The following DUS2 variants were observed in gnomAD, a reference collection of about 807,000 sequenced individuals.
DUS2 encodes dihydrouridine synthase 2, also known as tRNA-dihydrouridine(20) synthase [NAD(P)+]-like.
A neutral mutation model predicts 71.3 loss-of-function variants in DUS2; 52 were observed. The ratio of observed to expected loss-of-function variants is 0.73; its 90% CI spans 0.58 to 0.92. The LOEUF (loss-of-function observed/expected upper bound fraction) is 0.92, where lower values mean the gene tolerates loss of function less well. Among genes scored for constraint, DUS2 ranks in the 40% least tolerant of loss-of-function variants. The pLI is 0.00. For synonymous variants in DUS2, 204 were observed against 227.8 expected, an observed-to-expected ratio of 0.90 and a Z score of 0.94; for missense variants, 558 against 622.6, an observed-to-expected ratio of 0.90 and a Z score of 1.10.
At chr16:68,036,079 C>T (rs1250039310) in intron 2 of DUS2, among the ~76,000 whole-genome samples, 1 of 151,154 alleles carries the variant, frequency 6.6e-6, no homozygotes, top group Non-Finnish European at 1.5e-5. Flanking sequence ...TTATTGCAAC[C>T]TCCACCTCCT....
chr16:68,056,573 C>A, intron 7 of DUS2, 149 bp downstream of exon 7: 1 of 627,628 alleles, frequency 1.6e-6, no homozygotes, highest in Non-Finnish European at 2.8e-6. Context: ...GAACTGACAA[C>A]ATTAGAATAG....
chr16:68,049,106 G>A (rs1335146692), intron 3 of DUS2, among the ~76,000 whole-genome samples: 1 of 152,072 alleles, frequency 6.6e-6, no homozygotes, highest in Non-Finnish European at 1.5e-5. Flanking sequence ...TTTTGTTTTT[G>A]GATGTTTCTT....
At chr16:68,053,152 G>C (rs992411574) in intron 4 of DUS2, among the ~76,000 whole-genome samples, 7 of 152,066 alleles carry the variant, frequency 4.6e-5, no homozygotes, top group South Asian at 2.1e-4. Context: ...TATCAGAGAC[G>C]GTGTTTCACC....
At chr16:68,074,235 A>G (rs754839341) in intron 13 of DUS2, 80 bp downstream of exon 13, 1 of 1,549,174 alleles carries the variant, frequency 6.5e-7, no homozygotes, top group Non-Finnish European at 8.8e-7. Flanking sequence ...TGACTCCACC[A>G]GGGGACCAGG....
intron 8 of DUS2, among the ~76,000 whole-genome samples, chr16:68,062,677 C>T (rs555018606): frequency 2.1e-4 from 31 of 148,800 alleles, no homozygotes; most frequent in African/African-American, 7.5e-4. Context: ...AGAGATCGTG[C>T]CACTGCACTC....
chr16:68,061,498 G>A (rs2033940322), intron 8 of DUS2, among the ~76,000 whole-genome samples: 1 of 152,180 alleles, frequency 6.6e-6, no homozygotes, highest in African/African-American at 2.4e-5. Flanking sequence ...TGTGTGGGTG[G>A]ATTGGCCTCT....
At position 68,060,995 on chromosome 16, in the gene DUS2, A is replaced by G. The variant is rs1182250160; in HGVS notation, c.370-71A>G. Reference sequence around the variant, plus strand: ...AGTGCCGGGGTGACGCTCAGTTGCCAGACCCCATCCCATGGAGAGGGCCAT... The same window carrying G: ...AGTGCCGGGGTGACGCTCAGTTGCCGGACCCCATCCCATGGAGAGGGCCAT... On this transcript the variant is annotated intron_variant, in intron 7 of 16. Transcript: ENST00000565263. 2.7e-6 allele frequency: 4 copies of G among 1,498,984 alleles called. No homozygotes were observed. The African/African-American group carries it at 5.5e-5, about 21-fold the overall frequency. The allele number at this position is 1,498,984 out of a possible 1,614,324, so 92.9% of individuals were successfully genotyped here. A position where few individuals can be genotyped will look rare whatever the true frequency, so the allele number is the denominator to read the frequency against.
chr16:68,078,053 G>A (rs966122357), intron 15 of DUS2: 2 of 266,878 alleles, frequency 7.5e-6, no homozygotes, highest in African/African-American at 4.4e-5. Flanking sequence ...CATCCCTGCA[G>A]CCCTTTGCTC....
In DUS2 at chr16:68,073,890, G is replaced by A. The variant is rs1202578265; in HGVS notation, c.811-144G>A. On this transcript the variant is annotated intron_variant, in intron 12 of 16. Coordinates refer to ENST00000565263, the MANE Select transcript of DUS2 (RefSeq NM_017803.5). Reference sequence around the variant, plus strand: ...AGATGTGAGCCACTGCTCCTGGCCAGTGGTGGTTCTTCTTATGGGGGTCAC... The same window carrying A: ...AGATGTGAGCCACTGCTCCTGGCCAATGGTGGTTCTTCTTATGGGGGTCAC... 3 of 968,166 alleles carry A rather than the reference G, an allele frequency of 3.1e-6. No homozygotes were observed. The African/African-American group carries it at 4.9e-5, about 16-fold the overall frequency. 60.0% of individuals were successfully genotyped at this position (968,166 alleles called of 1,614,324 possible). A position where few individuals can be genotyped will look rare whatever the true frequency, so the allele number is the denominator to read the frequency against.
intron 8 of DUS2, among the ~76,000 whole-genome samples, chr16:68,061,899 C>G (rs2033944751): frequency 6.6e-6 from 1 of 152,202 alleles, no homozygotes. Context: ...GCATGTTCCT[C>G]CAGCCCCACT....
chr16:68,031,926 C>G (rs1173872289), intron 2 of DUS2, among the ~76,000 whole-genome samples: 1 of 152,046 alleles, frequency 6.6e-6, no homozygotes, highest in Non-Finnish European at 1.5e-5. Flanking sequence ...AACTCCTGAT[C>G]TCAGGTGATC....
In DUS2 at chr16:68,074,067, A is replaced by C; in HGVS notation, c.844A>C (p.Lys282Gln). ...VQYDNHYTNT[K>Q]YCLCQMLREQ... is the part of the protein sequence containing the mutation. ...GTATGACAACCACTACACCAACACC[A>C]AGTACTGCTTGTGCCAGATGCTACG... is the stretch of plus-strand genomic sequence containing the variant. The change falls in exon 13 of 17, where the codon AAG becomes CAG. Residue 282 changes from lysine to glutamine, a missense_variant. Lys to Gln is a moderately conservative substitution (Grantham distance 53, BLOSUM62 1). Coordinates refer to ENST00000565263, the MANE Select transcript of DUS2 (RefSeq NM_017803.5). 1 of 1,614,168 alleles carries C rather than the reference A, an allele frequency of 6.2e-7. No homozygotes were observed. Among genetic ancestry groups the C allele is most frequent in the South Asian group, 1.1e-5 (1 of 91,092 alleles).
At chr16:68,061,986 CTCTA>C (rs10576430) in intron 8 of DUS2, among the ~76,000 whole-genome samples, 4,441 of 152,210 alleles carry the variant, frequency 0.029, 198 homozygotes, top group African/African-American at 0.099. Flanking sequence ...GCCAGAGATA[CTCTA>C]TCTATAGTGC....
At position 68,074,098 on chromosome 16, in the gene DUS2, A is replaced by G. The variant is rs2034124563; in HGVS notation, c.875A>G (p.Gln292Arg). 1 of 1,614,086 alleles carries G rather than the reference A, an allele frequency of 6.2e-7. No homozygotes were observed. The highest frequency in any genetic ancestry group is 8.5e-7 in the Non-Finnish European group (1 of 1,180,044). Reference sequence around the variant, plus strand: ...TGCTTGTGCCAGATGCTACGAGAACAGCTGGAGTCGCCCCAGGGAAGGTTG... The same window carrying G: ...TGCTTGTGCCAGATGCTACGAGAACGGCTGGAGTCGCCCCAGGGAAGGTTG... ...KYCLCQMLRE[Q>R]LESPQGRLLH... Residue 292 changes from glutamine to arginine, a missense_variant, in exon 13 of 17, where the codon CAG becomes CGG. Coordinates refer to ENST00000565263, the MANE Select transcript of DUS2 (RefSeq NM_017803.5).
At chr16:68,045,998 G>A (rs1366538162) in intron 3 of DUS2, among the ~76,000 whole-genome samples, 3 of 152,158 alleles carry the variant, frequency 2.0e-5, no homozygotes, top group Non-Finnish European at 2.9e-5. Flanking sequence ...GATTACAGGC[G>A]TGAGCCACTG....
intron 3 of DUS2, among the ~76,000 whole-genome samples, chr16:68,046,044 A>T (rs1395412720): frequency 1.3e-5 from 2 of 152,176 alleles, no homozygotes; most frequent in Non-Finnish European, 2.9e-5. Flanking sequence ...TTTAAAATTT[A>T]TTCTTATTTT....
chr16:68,061,920 C>T (rs954788843), intron 8 of DUS2, among the ~76,000 whole-genome samples: 3 of 152,224 alleles, frequency 2.0e-5, no homozygotes, highest in African/African-American at 4.8e-5. Context: ...GTCTCTGGGA[C>T]ATAGGAAGAC....
chr16:68,075,347 C>T lies in DUS2; in HGVS notation c.933-8C>T, dbSNP rs2034141821. The T allele has an allele frequency of 1.9e-6, 3 of 1,595,784 alleles. No individual in the cohort carries two copies. The highest frequency in any genetic ancestry group is 2.6e-6 in the Non-Finnish European group (3 of 1,170,448). ...AGTGTTTGCTCTGATCTGCTTCTTC[C>T]TCCCTAGTGAGGCCTTTGGCCTTGG... On this transcript the variant is annotated splice_polypyrimidine_tract_variant and splice_region_variant and intron_variant, in intron 13 of 16. Transcript: ENST00000565263.
At chr16:68,066,479 G>T (rs2034006811) in intron 9 of DUS2, 87 bp from the exon 10 acceptor site, 1 of 1,583,874 alleles carries the variant, frequency 6.3e-7, no homozygotes, top group African/African-American at 1.4e-5. Context: ...AGGCTTGGAG[G>T]AGAGAGTAGA....
Sources: gnomAD v4.1 joint callset for allele counts (sites outside exome capture counted in the v4.1 genomes callset) on GRCh38, gnomAD v4.1.1 for gene constraint, MANE v1.5 for transcripts, NCBI Gene and HGNC (gene_info 2026-07-23, HGNC 2026-07-21) for gene names.